Variants in SEMA4G observed in about 807,000 individuals in gnomAD.
SEMA4G encodes the protein semaphorin-4G.
Under a neutral mutation model 81.2 loss-of-function variants are expected in SEMA4G, and 59 were observed. That is an observed-to-expected ratio of 0.73 (90% CI 0.59 to 0.90). The LOEUF is 0.90. SEMA4G is among the 40% of genes least tolerant of loss of function. The probability of loss-of-function intolerance (pLI) is 0.00; values close to 1 mark genes in which losing one functional copy is unlikely to be tolerated. For missense variants in SEMA4G, 952 were observed against 1,102.3 expected (o/e 0.86, Z 1.93); for synonymous variants, 404 against 433.9 (o/e 0.93, Z 0.86).
At chr10:100,972,979 C>A in exon 1 of SEMA4G, 1 of 1,614,076 alleles carries the variant, frequency 6.2e-7, no homozygotes, top group Non-Finnish European at 8.5e-7. Flanking sequence ...AGGACCCTCA[C>A]TGCGGAGACC....
Position 100,973,327 on chromosome 10 carries a change from C to T in SEMA4G, c.273+50C>T, listed in dbSNP as rs773688862. 1.6e-5 allele frequency: 26 copies of T among 1,600,844 alleles called. No homozygotes were observed. In the African/African-American group the frequency reaches 2.5e-4, roughly 16 times the overall value. The stretch of plus-strand genomic sequence containing the variant: ...CCAGAGGGTCTCTATGCTTATCCAG[C>T]TCCCTGGGACCTCAACTTCCTTAAA... On this transcript the variant is annotated intron_variant, in intron 2 of 13. Transcript: ENST00000370250. The surrounding 1 kb of genome is among the most constrained non-coding windows in gnomAD (Gnocchi z 5.5).
chr10:100,985,000 GC>G, downstream of SEMA4G: 1 of 1,267,054 alleles, frequency 7.9e-7, no homozygotes, highest in South Asian at 1.6e-5. Context: ...AGCCTCCCTT[GC>G]TGTCTTGGAC....
At chr10:100,982,896 C>T (rs754231588) in intron 13 of SEMA4G, among the ~76,000 whole-genome samples, 13 of 152,182 alleles carry the variant, frequency 8.5e-5, no homozygotes, top group African/African-American at 7.2e-5. Flanking sequence ...ACAGTGGTGG[C>T]GATTCAAGGA....
exon 14 of SEMA4G, chr10:100,983,531 C>A: frequency 6.2e-7 from 1 of 1,614,162 alleles, no homozygotes; most frequent in Non-Finnish European, 8.5e-7. Context: ...AAAATGGCCT[C>A]CGCACCCTGC....
intron 11 of SEMA4G, 42 bp downstream of exon 12, chr10:100,980,735 A>T: frequency 6.2e-7 from 1 of 1,607,658 alleles, no homozygotes; most frequent in Non-Finnish European, 8.5e-7. Flanking sequence ...TTGCTGAAAT[A>T]GGAAGAGGGA....
At position 100,976,792 on chromosome 10, in the gene SEMA4G, C is replaced by T. The variant is rs562517700; in HGVS notation, c.337-840C>T. Among the ~76,000 whole-genome samples the T allele has an allele frequency of 2.0e-5, 3 of 152,226 alleles. No homozygotes were observed. The South Asian group carries it at 6.2e-4, about 32-fold the overall frequency. On this transcript the variant is annotated intron_variant, in intron 3 of 13. Transcript: ENST00000370250. Reference sequence around the variant, plus strand: ...GGGAGACTCCCTGTTTATAACATACCCCTTTGTACTTTCTAAGTTTTATAC... The same window carrying T: ...GGGAGACTCCCTGTTTATAACATACTCCTTTGTACTTTCTAAGTTTTATAC...
chr10:100,973,662 G>A lies in SEMA4G; in HGVS notation c.336+53G>A. 9.7e-6 allele frequency: 15 copies of A among 1,542,078 alleles called. No individual in the cohort carries two copies. The highest frequency in any genetic ancestry group is 1.3e-5 in the Non-Finnish European group (15 of 1,119,224). Reference sequence around the variant, plus strand: ...CTTTCCTCCCCTTCTTCCTCAATCAGGGATGCCAGGATTGTTGGGGACACA... The same window carrying A: ...CTTTCCTCCCCTTCTTCCTCAATCAAGGATGCCAGGATTGTTGGGGACACA... On this transcript the variant is annotated intron_variant, in intron 3 of 13. Coordinates refer to ENST00000370250, the Ensembl canonical transcript of SEMA4G. This position sits in a 1 kb window ranked among gnomAD's most constrained non-coding sequence, Gnocchi z 5.5.
rs1589990636 is a variant in SEMA4G at position 100,980,102 on chromosome 10, A to C, written c.1129-20A>C. Reference sequence around the variant, plus strand: ...AGGTGGTGGAGTCCCGAGGTTCACCACCTTCGTCCCCCACGCCAGTGTATC... The same window carrying C: ...AGGTGGTGGAGTCCCGAGGTTCACCCCCTTCGTCCCCCACGCCAGTGTATC... On this transcript the variant is annotated intron_variant, in intron 9 of 13. Coordinates refer to ENST00000370250, the Ensembl canonical transcript of SEMA4G. 6.2e-7 allele frequency: 1 copy of C among 1,613,818 alleles called. No homozygotes were observed. The highest frequency in any genetic ancestry group is 8.5e-7 in the Non-Finnish European group (1 of 1,179,756).
At position 100,979,231 on chromosome 10, in the gene SEMA4G, C is replaced by T. The variant is rs772280066; in HGVS notation, c.943C>T (p.Arg315Cys). The T allele has an allele frequency of 8.7e-6, 14 of 1,614,018 alleles. No individual in the cohort carries two copies. Among genetic ancestry groups the T allele is most frequent in the South Asian group, 6.6e-5 (6 of 91,086 alleles). Residue 315 changes from arginine (R) to cysteine (C), a missense_variant, in exon 8 of 14, where the codon CGT becomes TGT. This residue lies in a region of SEMA4G where 436 missense variants were observed against 488.2 expected (regional missense o/e 0.89). Coordinates refer to ENST00000370250, the Ensembl canonical transcript of SEMA4G. ...CAGCCTGGATGCTGAAACCTCAAGC[C>T]GTACACACTTCTATGCAGCCTTCAC...
Position 100,980,346 on chromosome 10 carries a change from T to C in SEMA4G, c.1351+2T>C, listed in dbSNP as rs1241866025. ...ATGACCTGCTCTTTCTGGGCACAGG[T>C]GCTTCTGATCCCAATCCCTGATCCC... is the stretch of plus-strand genomic sequence containing the variant. On this transcript the variant is annotated splice_donor_variant, in intron 10 of 13. Coordinates refer to ENST00000370250, the Ensembl canonical transcript of SEMA4G. LOFTEE classifies it high-confidence loss of function. 7 of 1,612,784 alleles carry C rather than the reference T, an allele frequency of 4.3e-6. No homozygotes were observed. The highest frequency in any genetic ancestry group is 5.1e-6 in the Non-Finnish European group (6 of 1,178,904).
Position 100,973,412 on chromosome 10 carries a change from T to G in SEMA4G, c.273+135T>G, listed in dbSNP as rs979950726. 6.5e-6 allele frequency: 9 copies of G among 1,387,314 alleles called. No individual in the cohort carries two copies. The highest frequency in any genetic ancestry group is 4.3e-4 in the Middle Eastern group (2 of 4,682). 85.9% of individuals were successfully genotyped at this position (1,387,314 alleles called of 1,614,324 possible). ...AGCACTGCCCTTCCCAGCCCAGGTG[T>G]TCCTTGCATTCAGTGTTCCTCCTGA... is the stretch of plus-strand genomic sequence containing the variant. On this transcript the variant is annotated intron_variant, in intron 2 of 13. Coordinates refer to ENST00000370250, the Ensembl canonical transcript of SEMA4G. This position sits in a 1 kb window ranked among gnomAD's most constrained non-coding sequence, Gnocchi z 5.5.
chr10:100,972,635 G>A lies in SEMA4G; in HGVS notation c.-278G>A, dbSNP rs1589978265. 3 of 401,684 alleles carry A rather than the reference G, an allele frequency of 7.5e-6. No individual in the cohort carries two copies. In the East Asian group the frequency reaches 1.5e-4, roughly 19 times the overall value. 24.9% of individuals were successfully genotyped at this position (401,684 alleles called of 1,614,324 possible). On this transcript the variant is annotated 5_prime_UTR_variant, in exon 1 of 14. Coordinates refer to ENST00000370250, the Ensembl canonical transcript of SEMA4G. ...CTTCACAACTCCCTCTCACCATGGAGTTTGCATTTGATGCAGAAAGGCATG... is the reference window on the plus strand; with the variant it reads ...CTTCACAACTCCCTCTCACCATGGAATTTGCATTTGATGCAGAAAGGCATG...
intron 8 of SEMA4G, 43 bp downstream of exon 9, chr10:100,979,314 A>C (rs1850941258): frequency 6.2e-7 from 1 of 1,614,104 alleles, no homozygotes; most frequent in Non-Finnish European, 8.5e-7. Flanking sequence ...TGCGGACAGC[A>C]TAGGGGCTGG....
In SEMA4G at chr10:100,973,795, T is replaced by C. The variant is rs1346417975; in HGVS notation, c.336+186T>C. Among the ~76,000 whole-genome samples the C allele has an allele frequency of 6.6e-6, 1 of 151,998 alleles. No homozygotes were observed. The highest frequency in any genetic ancestry group is 1.5e-5 in the Non-Finnish European group (1 of 67,986). On this transcript the variant is annotated intron_variant, in intron 3 of 13. Coordinates refer to ENST00000370250, the Ensembl canonical transcript of SEMA4G. The surrounding 1 kb of genome is among the most constrained non-coding windows in gnomAD (Gnocchi z 5.5). ...ACAGCATTTTTTTTTTTTTCTTTTT[T>C]TGAGGTCGGATCTCACTCTGTCATC...
chr10:100,978,826 C>G (rs755243554), intron 6 of SEMA4G, 23 bp from the exon 8 acceptor site: 1 of 1,610,306 alleles, frequency 6.2e-7, no homozygotes, highest in Non-Finnish European at 8.5e-7. Context: ...TCTCAAAAGC[C>G]TCTCAAACTG....
Position 100,984,275 on chromosome 10 carries a change from C to A in SEMA4G, c.*144C>A, listed in dbSNP as rs950718210. ...CTTTTTGATGTCCCTGTAGGGCTGG[C>A]CAGTCAGGCCCAGCCAAAGCCCCCT... On this transcript the variant is annotated 3_prime_UTR_variant, in exon 14 of 14. Transcript: ENST00000370250. The A allele has an allele frequency of 2.6e-5, 37 of 1,440,300 alleles. No homozygotes were observed. The African/African-American group carries it at 4.4e-4, about 17-fold the overall frequency. The allele number at this position is 1,440,300 out of a possible 1,614,324, so 89.2% of individuals were successfully genotyped here.
chr10:100,981,245 G>T lies in SEMA4G; in HGVS notation c.1690+16G>T. The T allele has an allele frequency of 1.9e-6, 3 of 1,613,640 alleles. No homozygotes were observed. The highest frequency in any genetic ancestry group is 2.5e-6 in the Non-Finnish European group (3 of 1,179,480). Reference sequence around the variant, plus strand: ...AGGGATACAGGTAAGTGACTCATATGAGTGTGGGTCTAGCTACGCAGACTG... The same window carrying T: ...AGGGATACAGGTAAGTGACTCATATTAGTGTGGGTCTAGCTACGCAGACTG... On this transcript the variant is annotated intron_variant, in intron 13 of 13. Coordinates refer to ENST00000370250, the Ensembl canonical transcript of SEMA4G.
chr10:100,979,717 C>A (rs1238728675), intron 8 of SEMA4G, 131 bp from the exon 10 acceptor site: 2 of 1,035,968 alleles, frequency 1.9e-6, no homozygotes, highest in Non-Finnish European at 2.9e-6. Context: ...GGTCCACTGA[C>A]TCACAGGAGA....
At chr10:100,984,344 G>A (rs912794871) in exon 14 of SEMA4G, 9 of 1,440,988 alleles carry the variant, frequency 6.2e-6, no homozygotes, top group African/African-American at 2.9e-5. Context: ...CAGGCCCATC[G>A]GTGCTCCTCA....
Sources: gnomAD v4.1 joint callset for allele counts (sites outside exome capture counted in the v4.1 genomes callset) on GRCh38, gnomAD v4.1.1 for gene constraint, gnomAD v4.1.1 regional missense constraint, Gnocchi (gnomAD v3.1) non-coding constraint, MANE v1.5 for transcripts, NCBI Gene and HGNC (gene_info 2026-07-23, HGNC 2026-07-21) for gene names.